TP63: variants seen among roughly 807,000 people sequenced by gnomAD.
TP63 encodes the protein tumor protein 63.
A neutral mutation model predicts 82.8 loss-of-function variants in TP63; 17 were observed. The observed-to-expected ratio is 0.21, with a 90% CI of 0.14 to 0.31. TP63 has a LOEUF of 0.31. TP63 is among the 10% of genes least tolerant of loss of function. The pLI, the probability that TP63 is intolerant of heterozygous loss-of-function variation, is 1.00. For missense variants in TP63, 648 were observed against 895.3 expected (o/e 0.72, Z 3.52); for synonymous variants, 330 against 321.7 (o/e 1.03, Z -0.28).
At chr3:189,832,156 G>T (rs1371121524) in intron 4 of TP63, among the ~76,000 whole-genome samples, 1 of 152,030 alleles carries the variant, frequency 6.6e-6, no homozygotes, top group East Asian at 1.9e-4. Context: ...AGAGGGAAAT[G>T]AATCTTCAGA....
intron 1 of TP63, among the ~76,000 whole-genome samples, chr3:189,649,196 A>C (rs76600814): frequency 0.058 from 8,498 of 146,810 alleles, 965 homozygotes; most frequent in South Asian, 0.091. Context: ...GAGAAAATGA[A>C]AGGGTTGAAA....
intron 1 of TP63, among the ~76,000 whole-genome samples, chr3:189,634,668 C>T (rs898103250): frequency 1.3e-5 from 2 of 151,982 alleles, no homozygotes; most frequent in Non-Finnish European, 2.9e-5. Context: ...TGGATAAAAT[C>T]ACATTACCAT....
At chr3:189,614,827 A>G in the TP63 span, among the ~76,000 whole-genome samples, 2 of 152,332 alleles carry the variant, frequency 1.3e-5, no homozygotes, top group South Asian at 2.1e-4. Context: ...CTATATGTAT[A>G]TCATACCACA....
chr3:189,740,875 C>G (rs904178924), intron 3 of TP63, among the ~76,000 whole-genome samples: 27 of 152,182 alleles, frequency 1.8e-4, no homozygotes, highest in African/African-American at 6.3e-4. Flanking sequence ...CTTGAGGATA[C>G]CATTCACATT....
chr3:189,761,864 T>C (rs956970147), intron 3 of TP63, among the ~76,000 whole-genome samples: 4 of 152,190 alleles, frequency 2.6e-5, no homozygotes, highest in South Asian at 4.1e-4. Context: ...TCACATCTTA[T>C]GTGGATGGCA....
At chr3:189,818,846 G>A (rs1374883251) in intron 4 of TP63, among the ~76,000 whole-genome samples, 1 of 152,160 alleles carries the variant, frequency 6.6e-6, no homozygotes, top group African/African-American at 2.4e-5. Flanking sequence ...AAGGCAGCTA[G>A]ATATGAGAAG....
intron 1 of TP63, among the ~76,000 whole-genome samples, chr3:189,715,332 A>G (rs1227374725): frequency 6.6e-6 from 1 of 152,146 alleles, no homozygotes; most frequent in East Asian, 1.9e-4. Context: ...ATTTGTTTTG[A>G]AATTACGGCA....
chr3:189,840,729 G>A (rs1394723131), intron 4 of TP63, among the ~76,000 whole-genome samples: 1 of 151,520 alleles, frequency 6.6e-6, no homozygotes, highest in Non-Finnish European at 1.5e-5. Flanking sequence ...GTAGTGGCAG[G>A]CACCTGTAAT....
intron 4 of TP63, among the ~76,000 whole-genome samples, chr3:189,833,079 TTC>T: frequency 6.6e-6 from 1 of 152,350 alleles, no homozygotes; most frequent in East Asian, 1.9e-4. Flanking sequence ...TGCTAAGGCC[TTC>T]TCTCTCCTTT....
intron 1 of TP63, among the ~76,000 whole-genome samples, chr3:189,658,250 A>T (rs1286626145): frequency 6.6e-6 from 1 of 152,052 alleles, no homozygotes; most frequent in Non-Finnish European, 1.5e-5. Context: ...AATATTCATG[A>T]TTCCACACTA....
the TP63 span, among the ~76,000 whole-genome samples, chr3:189,616,354 C>T: frequency 0.013 from 1,924 of 152,328 alleles, 44 homozygotes; most frequent in African/African-American, 0.044. Flanking sequence ...CTCTCCACAA[C>T]AAGCTAACAC....
chr3:189,851,516 C>T (rs113903041), intron 4 of TP63, among the ~76,000 whole-genome samples: 2,038 of 152,110 alleles, frequency 0.013, 17 homozygotes, highest in Non-Finnish European at 0.017. Flanking sequence ...CAGAGGTTGC[C>T]GTGAGACAGG....
At chr3:189,855,739 C>T (rs1174733048) in intron 4 of TP63, among the ~76,000 whole-genome samples, 3 of 151,712 alleles carry the variant, frequency 2.0e-5, no homozygotes, top group African/African-American at 7.3e-5. Context: ...TGTGTGTATG[C>T]ACAGAAAACG....
intron 4 of TP63, 109 bp from the exon 5 acceptor site, chr3:189,864,123 G>A (rs2108795735): frequency 7.2e-7 from 1 of 1,383,288 alleles, no homozygotes; most frequent in Non-Finnish European, 1.0e-6. Context: ...TAAACAGGCA[G>A]CATGCAGCTC....
chr3:189,673,150 A>G (rs1715077741), intron 1 of TP63, among the ~76,000 whole-genome samples: 1 of 152,110 alleles, frequency 6.6e-6, no homozygotes, highest in Admixed American at 6.6e-5. Flanking sequence ...ATCAGAATTT[A>G]ATAAATAACA....
chr3:189,757,918 C>T (rs941853851), intron 3 of TP63, among the ~76,000 whole-genome samples: 1 of 134,610 alleles, frequency 7.4e-6, no homozygotes, highest in Non-Finnish European at 1.7e-5. Context: ...CCAAAAAGAC[C>T]TCAGGAGTTG....
chr3:189,762,693 C>A (rs560943504), intron 3 of TP63, among the ~76,000 whole-genome samples: 1 of 152,218 alleles, frequency 6.6e-6, no homozygotes, highest in African/African-American at 2.4e-5. Context: ...GGCAAAAGAA[C>A]TAAAATGTCA....
rs145517405 is a variant in TP63, at chr3:189,731,411, GTTC to G, written c.63-6323_63-6321del. Reference sequence around the variant, plus strand: ...ATATCTGGTGTGAACCAGTGAACCAGTTCTTCTTAGATTTCAGCTTTTCTGTCT... The same window carrying G: ...ATATCTGGTGTGAACCAGTGAACCAGTTCTTAGATTTCAGCTTTTCTGTCT... On this transcript the variant is annotated intron_variant, in intron 1 of 13. Transcript: ENST00000264731. 5.4e-3 allele frequency among the ~76,000 whole-genome samples: 816 copies of G among 152,264 alleles called. 8 individuals are homozygous for G. The highest frequency in any genetic ancestry group is 0.018 in the African/African-American group (735 of 41,566).
chr3:189,783,096 C>G (rs1012967659), intron 3 of TP63, among the ~76,000 whole-genome samples: 3 of 151,702 alleles, frequency 2.0e-5, no homozygotes, highest in African/African-American at 7.3e-5. Context: ...AAAGAAAAAT[C>G]GAAGCAAATT....
Sources: gnomAD v4.1 joint callset for allele counts (sites outside exome capture counted in the v4.1 genomes callset) on GRCh38, gnomAD v4.1.1 for gene constraint, MANE v1.5 for transcripts, NCBI Gene and HGNC (gene_info 2026-07-23, HGNC 2026-07-21) for gene names.